The following SYNC variants were observed in gnomAD, a reference collection of about 807,000 sequenced individuals.
The protein encoded by SYNC is syncoilin.
In SYNC, 38 loss-of-function variants were observed where a neutral mutation model predicts 49.5. That is an observed-to-expected ratio of 0.77 (90% CI 0.59 to 1.01). The LOEUF is 1.01. Ranked by LOEUF, SYNC falls within the 50% of genes least tolerant of loss-of-function variation. The pLI, the probability that SYNC is intolerant of heterozygous loss-of-function variation, is 0.00. For synonymous variants in SYNC, 201 were observed against 230.8 expected (o/e 0.87, Z 1.17); for missense variants, 579 against 580.6 (o/e 1.00, Z 0.03).
chr1:32,690,648 GAAAA>G (rs900204039), intron 2 of SYNC, among the ~76,000 whole-genome samples: 23 of 96,332 alleles, frequency 2.4e-4, no homozygotes, highest in Middle Eastern at 7.5e-3. Context: ...CATCTCCAAA[GAAAA>G]AAAAAAAAAA....
intron 1 of SYNC, among the ~76,000 whole-genome samples, chr1:32,699,559 T>G (rs1278615207): frequency 6.6e-6 from 1 of 152,086 alleles, no homozygotes; most frequent in Admixed American, 6.6e-5. Flanking sequence ...CTGGCACTTT[T>G]GTCCTGGTCT....
At chr1:32,685,810 A>G (rs954692163) in intron 2 of SYNC, 1 of 152,226 alleles carries the variant, frequency 6.6e-6, no homozygotes, top group Non-Finnish European at 1.5e-5. Context: ...AACAGCCTCA[A>G]TGAAATGAAG....
rs530522090 is a variant in SYNC at position 32,695,749 on chromosome 1, G to A, written c.349C>T (p.Arg117Trp). The change falls in exon 2 of 5, where the codon CGG becomes TGG. Residue 117 changes from arginine to tryptophan, a missense_variant. Arg to Trp is a moderately radical substitution (Grantham distance 101). Coordinates refer to ENST00000409190, the MANE Select transcript of SYNC (RefSeq NM_030786.3). ...ACGGGCCCCTCCACAAACTGTATCC[G>A]ATCTGGCTCCGTGGTTTCCTCCACA... The part of the protein sequence containing the change: ...VCVEETTEPD[R>W]IQFVEGPVEP... 1.2e-5 allele frequency: 19 copies of A among 1,551,476 alleles called. No individual in the cohort carries two copies. Among genetic ancestry groups the A allele is most frequent in the Admixed American group, 7.9e-5 (4 of 50,942 alleles).
chr1:32,683,023 C>A (rs1353945569), intron 4 of SYNC: 1 of 152,046 alleles, frequency 6.6e-6, no homozygotes, highest in East Asian at 1.9e-4. Context: ...GTGGCTCACA[C>A]CTGAAATCCC....
chr1:32,691,062 GAA>G (rs1012074627), intron 2 of SYNC, among the ~76,000 whole-genome samples: 3 of 152,014 alleles, frequency 2.0e-5, no homozygotes, highest in African/African-American at 7.2e-5. Flanking sequence ...AATAAAAATA[GAA>G]AAAATTAGCC....
At chr1:32,696,121 G>A in intron 1 of SYNC, 77 bp from the exon 2 acceptor site, 1 of 1,228,002 alleles carries the variant, frequency 8.1e-7, no homozygotes, top group Non-Finnish European at 1.1e-6. Context: ...GCAGCCATGG[G>A]CCTAGACTAC....
At chr1:32,690,067 A>G (rs1206478400) in intron 2 of SYNC, among the ~76,000 whole-genome samples, 1 of 152,178 alleles carries the variant, frequency 6.6e-6, no homozygotes, top group Non-Finnish European at 1.5e-5. Flanking sequence ...TAGCAACAAG[A>G]GAAGCTATTA....
chr1:32,680,104 G>A lies in SYNC; in HGVS notation c.*1746C>T, dbSNP rs535204011. On this transcript the variant is annotated 3_prime_UTR_variant, in exon 5 of 5. Transcript: ENST00000409190. ...CCATGAAGTATAAATACTGAAAGAT[G>A]TCACTTTTATTCAGGAAATAGGGGG... 1.8e-4 allele frequency: 191 copies of A among 1,062,484 alleles called. No individual in the cohort carries two copies. The highest frequency in any genetic ancestry group is 5.7e-4 in the Admixed American group (11 of 19,224). The allele number at this position is 1,062,484 out of a possible 1,614,324, so 65.8% of individuals were successfully genotyped here. A position where few individuals can be genotyped will look rare whatever the true frequency, so the allele number is the denominator to read the frequency against.
intron 2 of SYNC, among the ~76,000 whole-genome samples, chr1:32,689,656 T>C (rs1650062340): frequency 6.6e-6 from 1 of 151,978 alleles, no homozygotes; most frequent in Admixed American, 6.6e-5. Context: ...GGAAGTAAGC[T>C]GATGGGCCGG....
chr1:32,703,109 G>A (rs1036663927), upstream of SYNC: 2 of 152,296 alleles, frequency 1.3e-5, no homozygotes, highest in Middle Eastern at 3.4e-3. Context: ...GCGAGTGTTT[G>A]GGGGTGTCCG....
Position 32,694,917 on chromosome 1 carries a change from T to C in SYNC, c.1181A>G (p.Asp394Gly). ...TTTTTGCCTCACAAGTGCGATCTGG[T>C]CCTCCAGGTTCCTGTTTTGCAGGCG... ...QLRLQNRNLE[D>G]QIALVRQKRD... Residue 394 changes from aspartate (D) to glycine (G), a missense_variant, in exon 2 of 5, where the codon GAC becomes GGC. By Grantham distance (94) the Asp-to-Gly change is moderately conservative. Transcript: ENST00000409190. 6.2e-7 allele frequency: 1 copy of C among 1,613,392 alleles called. No individual in the cohort carries two copies. Among genetic ancestry groups the C allele is most frequent in the Non-Finnish European group, 8.5e-7 (1 of 1,179,840 alleles).
intron 3 of SYNC, 75 bp downstream of exon 3, chr1:32,684,183 T>G (rs1649649103): frequency 2.5e-6 from 4 of 1,605,796 alleles, no homozygotes; most frequent in Non-Finnish European, 3.4e-6. Flanking sequence ...GATTCTAAGG[T>G]AAAATTTTCC....
intron 2 of SYNC, among the ~76,000 whole-genome samples, chr1:32,689,925 G>A (rs1342107275): frequency 8.0e-6 from 1 of 125,714 alleles, no homozygotes; most frequent in African/African-American, 2.9e-5. Flanking sequence ...TAGCAACAGA[G>A]TGAGACACCG....
At chr1:32,687,055 T>C (rs1408625737) in intron 2 of SYNC, among the ~76,000 whole-genome samples, 1 of 152,126 alleles carries the variant, frequency 6.6e-6, no homozygotes. Flanking sequence ...TGGAAACCAC[T>C]AGTCTAAAGA....
At position 32,694,718 on chromosome 1, in the gene SYNC, A is replaced by C. The variant is rs932252405; in HGVS notation, c.1233+147T>G. ...TCCCTAGCATGGGCCTGAATGAATG[A>C]AGAATGGAGAAAAAATTGCGTGGCC... On this transcript the variant is annotated intron_variant, in intron 2 of 4. Transcript: ENST00000409190. 53 of 751,374 alleles carry C rather than the reference A, an allele frequency of 7.1e-5. No homozygotes were observed. The African/African-American group carries it at 8.2e-4, about 12-fold the overall frequency. 46.5% of individuals were successfully genotyped at this position (751,374 alleles called of 1,614,324 possible). A position where few individuals can be genotyped will look rare whatever the true frequency, so the allele number is the denominator to read the frequency against.
chr1:32,695,952 G>A lies in SYNC; in HGVS notation c.146C>T (p.Ser49Leu), dbSNP rs1436242125. ...EALNPEVTLSSEGSLNLEDIL... is the reference protein window; with the variant it reads ...EALNPEVTLSLEGSLNLEDIL... ...GTCTTCGAGGTTTAAGGACCCCTCT[G>A]AAGATAGAGTAACTTCTGGGTTCAA... Residue 49 changes from serine to leucine, a missense_variant, in exon 2 of 5, where the codon TCA (serine) becomes TTA (leucine). By Grantham distance (145) the Ser-to-Leu change is moderately radical (BLOSUM62 -2). Transcript: ENST00000409190. 4 of 1,548,398 alleles carry A rather than the reference G, an allele frequency of 2.6e-6. No individual in the cohort carries two copies. The African/African-American group carries it at 4.1e-5, about 16-fold the overall frequency.
intron 2 of SYNC, among the ~76,000 whole-genome samples, chr1:32,694,376 G>A (rs1273993351): frequency 2.6e-5 from 4 of 151,566 alleles, no homozygotes; most frequent in Admixed American, 6.6e-5. Flanking sequence ...AGTGCAGGCC[G>A]GGCGCGGTGG....
intron 1 of SYNC, among the ~76,000 whole-genome samples, chr1:32,696,311 A>G (rs1650425532): frequency 6.6e-6 from 1 of 151,970 alleles, no homozygotes; most frequent in African/African-American, 2.4e-5. Context: ...TTGTTCCACA[A>G]TTATAATAAT....
intron 2 of SYNC, among the ~76,000 whole-genome samples, chr1:32,691,910 A>G (rs1650184840): frequency 6.6e-6 from 1 of 152,012 alleles, no homozygotes; most frequent in Non-Finnish European, 1.5e-5. Context: ...TTTTTCATGA[A>G]GAGTTCTCTG....
Sources: allele counts gnomAD v4.1 joint callset (sites outside exome capture counted in the v4.1 genomes callset), GRCh38; gene constraint gnomAD v4.1.1; transcripts MANE v1.5; gene names NCBI Gene and HGNC (gene_info 2026-07-23, HGNC 2026-07-21).